Variants in LRRN2 observed in about 807,000 individuals in gnomAD.
The protein encoded by LRRN2 is leucine rich repeat neuronal 2, also known as leucine-rich repeat neuronal protein 2.
Under a neutral mutation model 35.7 loss-of-function variants are expected in LRRN2, and 10 were observed. The observed-to-expected ratio is 0.28, with a 90% CI of 0.17 to 0.47. The LOEUF is 0.47. Among genes scored for constraint, LRRN2 ranks in the 20% least tolerant of loss-of-function variants. The pLI, the probability that LRRN2 is intolerant of heterozygous loss-of-function variation, is 0.99. For synonymous variants in LRRN2, 391 were observed against 409.6 expected, an observed-to-expected ratio of 0.95 and a Z score of 0.55; for missense variants, 731 against 940.3, an observed-to-expected ratio of 0.78 and a Z score of 2.91.
At chr1:204,631,751 A>G (rs776716007) in intron 1 of LRRN2, among the ~76,000 whole-genome samples, 3 of 152,106 alleles carry the variant, frequency 2.0e-5, no homozygotes, top group Non-Finnish European at 4.4e-5. Context: ...ATGCATAGAT[A>G]GGAGACACTA....
In LRRN2 at chr1:204,651,529, G is replaced by C. The variant is rs111233449; in HGVS notation, c.-226-31311C>G. On this transcript the variant is annotated intron_variant, in intron 1 of 1. Transcript: ENST00000367177. ...CTCTTTGAGGAAGGGACTGACACCT[G>C]GATGATGAGGAAGCAGAGTGGGGTG... Among the ~76,000 whole-genome samples, 363 of 152,288 alleles carry C rather than the reference G, an allele frequency of 2.4e-3. 2 individuals carry two copies. Among genetic ancestry groups the C allele is most frequent in the African/African-American group, 8.6e-3 (356 of 41,562 alleles).
intron 1 of LRRN2, among the ~76,000 whole-genome samples, chr1:204,672,977 G>A (rs2102241211): frequency 6.6e-6 from 1 of 152,202 alleles, no homozygotes; most frequent in African/African-American, 2.4e-5. Context: ...TTCTCTTAGG[G>A]CCAGCCACTT....
At chr1:204,658,575 G>C (rs943220525) in intron 1 of LRRN2, among the ~76,000 whole-genome samples, 2 of 152,156 alleles carry the variant, frequency 1.3e-5, no homozygotes, top group African/African-American at 4.8e-5. Context: ...ACAGACATGG[G>C]GTGACATGGG....
chr1:204,655,390 T>C (rs537704093), intron 1 of LRRN2, among the ~76,000 whole-genome samples: 1 of 152,268 alleles, frequency 6.6e-6, no homozygotes, highest in South Asian at 2.1e-4. Context: ...CAGGCTCAAG[T>C]GATCCTCCCA....
chr1:204,684,791 A>C (rs1253861291), intron 1 of LRRN2, among the ~76,000 whole-genome samples: 1 of 151,994 alleles, frequency 6.6e-6, no homozygotes, highest in Non-Finnish European at 1.5e-5. Flanking sequence ...TCCTGGTTCC[A>C]GATACTTCAG....
chr1:204,635,077 T>C (rs577370047), intron 1 of LRRN2, among the ~76,000 whole-genome samples: 1 of 152,258 alleles, frequency 6.6e-6, no homozygotes, highest in African/African-American at 2.4e-5. Context: ...GGGCAGGAAG[T>C]TTCCTGCCTA....
intron 1 of LRRN2, among the ~76,000 whole-genome samples, chr1:204,630,024 C>G (rs1465947434): frequency 6.6e-6 from 1 of 152,192 alleles, no homozygotes. Context: ...AGGAGCCGTA[C>G]TCCAAACCCC....
At chr1:204,677,253 G>T (rs1050821497) in intron 1 of LRRN2, among the ~76,000 whole-genome samples, 1 of 152,202 alleles carries the variant, frequency 6.6e-6, no homozygotes, top group Non-Finnish European at 1.5e-5. Flanking sequence ...GTCAGCCTCT[G>T]CGTCTTCCAG....
intron 1 of LRRN2, among the ~76,000 whole-genome samples, chr1:204,680,332 C>A (rs186720970): frequency 1.2e-4 from 19 of 152,206 alleles, no homozygotes; most frequent in African/African-American, 3.6e-4. Context: ...AGCTGAGAAA[C>A]AGTTATTGCC....
chr1:204,674,143 T>C (rs1281169907), intron 1 of LRRN2, among the ~76,000 whole-genome samples: 1 of 152,072 alleles, frequency 6.6e-6, no homozygotes, highest in Non-Finnish European at 1.5e-5. Flanking sequence ...AGAGAGCCAA[T>C]ACTCCTCAGG....
intron 1 of LRRN2, among the ~76,000 whole-genome samples, chr1:204,630,043 G>A (rs758852424): frequency 1.3e-5 from 2 of 152,094 alleles, no homozygotes; most frequent in Non-Finnish European, 2.9e-5. Flanking sequence ...CCAGCATCAT[G>A]CAATTTTCCT....
At position 204,627,242 on chromosome 1, in the gene LRRN2, A is replaced by C. The variant is rs541110132; in HGVS notation, c.-226-7024T>G. On this transcript the variant is annotated intron_variant, in intron 1 of 1. Coordinates refer to ENST00000367177, the MANE Select transcript of LRRN2 (RefSeq NM_201630.2). ...CTAAGGGGCCGGACTGAGGTCCCAC[A>C]GCGAGAGTGTGGAGGAGCCAGGATC... 4.6e-5 allele frequency: 7 copies of C among 152,374 alleles called. No individual in the cohort carries two copies. In the East Asian group the frequency reaches 1.2e-3, roughly 25 times the overall value. The allele number at this position is 152,374 out of a possible 1,614,324, so 9.4% of individuals were successfully genotyped here.
In LRRN2 at chr1:204,676,139, C is replaced by CGTGTGTGTGTGTGTGT. The variant is rs56189865; in HGVS notation, c.-227+9165_-227+9180dup. 2.3e-4 allele frequency among the ~76,000 whole-genome samples: 34 copies of CGTGTGTGTGTGTGTGT among 148,966 alleles called. 1 individual carries two copies. The highest frequency in any genetic ancestry group is 8.2e-4 in the African/African-American group (33 of 40,404). On this transcript the variant is annotated intron_variant, in intron 1 of 1. Coordinates refer to ENST00000367177, the MANE Select transcript of LRRN2 (RefSeq NM_201630.2). ...ATTTCCATGCAAGGTTACATGGAGC[C>CGTGTGTGTGTGTGTGT]GTGTGTGTGTGTGTGTGTGTGTGTG...
At chr1:204,655,513 C>T (rs1668329008) in intron 1 of LRRN2, among the ~76,000 whole-genome samples, 1 of 152,156 alleles carries the variant, frequency 6.6e-6, no homozygotes, top group South Asian at 2.1e-4. Flanking sequence ...CCAGGCTGAT[C>T]TTGAACTCCT....
intron 1 of LRRN2, among the ~76,000 whole-genome samples, chr1:204,674,267 C>T (rs1668774273): frequency 1.3e-5 from 2 of 151,252 alleles, no homozygotes; most frequent in South Asian, 4.2e-4. Context: ...ATCTGACCCA[C>T]CCCCCACCAC....
intron 1 of LRRN2, among the ~76,000 whole-genome samples, chr1:204,637,103 T>C (rs1200182513): frequency 6.6e-6 from 1 of 152,186 alleles, no homozygotes; most frequent in Non-Finnish European, 1.5e-5. Flanking sequence ...GGTAGATGAT[T>C]GCTCACTGTA....
chr1:204,652,765 G>A (rs2815830), intron 1 of LRRN2, among the ~76,000 whole-genome samples: 73,781 of 152,074 alleles, frequency 0.49, 18,369 homozygotes, highest in African/African-American at 0.57. Context: ...GGTGGAGCCC[G>A]GACACCTGCA....
chr1:204,662,719 A>G (rs1379077063), intron 1 of LRRN2, among the ~76,000 whole-genome samples: 2 of 152,242 alleles, frequency 1.3e-5, no homozygotes, highest in Non-Finnish European at 2.9e-5. Flanking sequence ...AATAGCTGAT[A>G]AGTATCTGGG....
intron 1 of LRRN2, among the ~76,000 whole-genome samples, chr1:204,638,555 C>T (rs1205075410): frequency 6.6e-6 from 1 of 151,996 alleles, no homozygotes; most frequent in East Asian, 1.9e-4. Context: ...AGATTACAGG[C>T]ATGTGCCACC....
Sources: gnomAD v4.1 joint callset for allele counts (sites outside exome capture counted in the v4.1 genomes callset) on GRCh38, gnomAD v4.1.1 for gene constraint, MANE v1.5 for transcripts, NCBI Gene and HGNC (gene_info 2026-07-23, HGNC 2026-07-21) for gene names.